The following CASP14 variants were observed in gnomAD, a reference collection of about 807,000 sequenced individuals.
CASP14 encodes the protein caspase-14.
CASP14 carries 27 observed loss-of-function variants against 28.4 expected under a neutral mutation model. The ratio of observed to expected loss-of-function variants is 0.95; its 90% confidence interval spans 0.70 to 1.31. The LOEUF is 1.31. Ranked by LOEUF, CASP14 falls within the 50% of genes most tolerant of loss-of-function variation. The pLI, the probability that CASP14 is intolerant of heterozygous loss-of-function variation, is 0.00. For missense variants in CASP14, 323 were observed against 312.8 expected, an observed-to-expected ratio of 1.03 and a Z score of -0.25; for synonymous variants, 115 against 118.6, an observed-to-expected ratio of 0.97 and a Z score of 0.20.
At position 15,053,550 on chromosome 19, in the gene CASP14, C is replaced by T. The variant is rs139270509; in HGVS notation, c.96C>T (p.Ser32=). The T allele has an allele frequency of 9.4e-5, 152 of 1,614,116 alleles. No homozygotes were observed. Among genetic ancestry groups the T allele is most frequent in the South Asian group, 5.3e-4 (48 of 91,080 alleles). The change falls in exon 3 of 7, where the codon TCC becomes TCT. Residue 32 remains serine, a synonymous_variant. Coordinates refer to ENST00000427043, the MANE Select transcript of CASP14 (RefSeq NM_012114.3). The part of the protein sequence containing the change: ...ILCVTKAREG[S]EEDLDALEHM... ...GTGTCACCAAAGCCCGGGAAGGTTC[C>T]GAAGAAGACCTGGATGCTCTGGAAC... is the stretch of plus-strand genomic sequence containing the variant.
At chr19:15,052,114 G>A (rs1197709538) in intron 1 of CASP14, 92 bp from the exon 2 acceptor site, 34 of 838,390 alleles carry the variant, frequency 4.1e-5, no homozygotes, top group Non-Finnish European at 5.9e-5. Flanking sequence ...GTGCTATTTG[G>A]TCTCAAAAAT....
rs1385125177 is a variant in CASP14 at position 15,053,963 on chromosome 19, G to A, written c.403+5G>A. The A allele has an allele frequency of 8.7e-6, 14 of 1,609,454 alleles. No individual in the cohort carries two copies. The highest frequency in any genetic ancestry group is 1.2e-5 in the Non-Finnish European group (14 of 1,177,374). Reference sequence around the variant, plus strand: ...TCATACAGGCCTGTCGAGGAGGTGGGGACAGATCCAAGAGCACAGAGTCTG... The same window carrying A: ...TCATACAGGCCTGTCGAGGAGGTGGAGACAGATCCAAGAGCACAGAGTCTG... On this transcript the variant is annotated splice_donor_5th_base_variant and intron_variant, in intron 4 of 6. Transcript: ENST00000427043.
Position 15,051,141 on chromosome 19 carries a change from G to A in CASP14, c.-46-1065G>A, listed in dbSNP as rs545221713. On this transcript the variant is annotated intron_variant, in intron 1 of 6. Transcript: ENST00000427043. ...AAACATAGATGAATGGATGGTTGAT[G>A]GGGGAAGGCATAGCAGATATTATGC... 2.1e-3 allele frequency among the ~76,000 whole-genome samples: 321 copies of A among 151,936 alleles called. 1 individual carries two copies. The highest frequency in any genetic ancestry group is 0.014 in the Middle Eastern group (4 of 294).
chr19:15,052,132 C>A, intron 1 of CASP14, 74 bp from the exon 2 acceptor site: 1 of 1,111,136 alleles, frequency 9.0e-7, no homozygotes, highest in South Asian at 1.5e-5. Flanking sequence ...AATCCAGATA[C>A]ATAAGCCAGT....
At chr19:15,055,565 C>A in intron 6 of CASP14, 32 bp downstream of exon 6, 1 of 1,536,660 alleles carries the variant, frequency 6.5e-7, no homozygotes, top group Non-Finnish European at 9.0e-7. Context: ...GGGACCACCG[C>A]CCAGGCCAAG....
rs1311696316 is a variant in CASP14 at position 15,056,140 on chromosome 19, A to C, written c.*51A>C. 2.8e-6 allele frequency: 4 copies of C among 1,406,400 alleles called. No individual in the cohort carries two copies. In the South Asian group the frequency reaches 4.9e-5, roughly 17 times the overall value. 87.1% of individuals were successfully genotyped at this position (1,406,400 alleles called of 1,614,324 possible). On this transcript the variant is annotated 3_prime_UTR_variant, in exon 7 of 7. Coordinates refer to ENST00000427043, the MANE Select transcript of CASP14 (RefSeq NM_012114.3). Reference sequence around the variant, plus strand: ...CCTTCCAGCATTCTTTCTGTCTCACAGAAATTTAGAGGCAGCTCTTACCTC... The same window carrying C: ...CCTTCCAGCATTCTTTCTGTCTCACCGAAATTTAGAGGCAGCTCTTACCTC...
At chr19:15,053,199 C>T (rs1248351615) in intron 2 of CASP14, among the ~76,000 whole-genome samples, 1 of 152,090 alleles carries the variant, frequency 6.6e-6, no homozygotes, top group Non-Finnish European at 1.5e-5. Context: ...CCTCAACTTC[C>T]CAGGCTCAAG....
chr19:15,054,180 C>T (rs118114468), intron 4 of CASP14, among the ~76,000 whole-genome samples: 1 of 152,100 alleles, frequency 6.6e-6, no homozygotes, highest in African/African-American at 2.4e-5. Context: ...GATTATGTTG[C>T]CCAGGCTGGT....
intron 1 of CASP14, among the ~76,000 whole-genome samples, chr19:15,049,924 G>C (rs1351633279): frequency 1.3e-5 from 2 of 152,076 alleles, no homozygotes; most frequent in Non-Finnish European, 2.9e-5. Flanking sequence ...GATGGAGACA[G>C]AGATAATGAA....
intron 4 of CASP14, among the ~76,000 whole-genome samples, chr19:15,054,213 A>G (rs1469882516): frequency 6.6e-6 from 1 of 151,912 alleles, no homozygotes; most frequent in Non-Finnish European, 1.5e-5. Context: ...AGCTCAAGCA[A>G]TCCTCCTGCC....
rs1339386193 is a variant in CASP14 at position 15,056,102 on chromosome 19, CAGG to C, written c.*19_*21del. On this transcript the variant is annotated 3_prime_UTR_variant, in exon 7 of 7. Coordinates refer to ENST00000427043, the MANE Select transcript of CASP14 (RefSeq NM_012114.3). ...GTATCTGCAGTAGAAGTAGAAAGAC[CAGG>C]AGGAGCTTTCCTTCCAGCATTCTTT... 21 of 1,555,446 alleles carry C rather than the reference CAGG, an allele frequency of 1.4e-5. No individual in the cohort carries two copies. Among genetic ancestry groups the C allele is most frequent in the Non-Finnish European group, 1.6e-5 (18 of 1,140,734 alleles).
rs1387134579 is a variant in CASP14 at position 15,053,753 on chromosome 19, A to C, written c.198A>C (p.Glu66Asp). The C allele has an allele frequency of 6.2e-7, 1 of 1,613,590 alleles. No individual in the cohort carries two copies. The highest frequency in any genetic ancestry group is 1.7e-5 in the Admixed American group (1 of 59,988). Residue 66 changes from glutamate to aspartate, a missense_variant, in exon 4 of 7, where the codon GAA (glutamate) becomes GAC (aspartate). Glu to Asp is a conservative substitution (Grantham distance 45). Coordinates refer to ENST00000427043, the MANE Select transcript of CASP14 (RefSeq NM_012114.3). ...PTAEQFQEEL[E>D]KFQQAIDSRE... is the part of the protein sequence containing the mutation. The stretch of plus-strand genomic sequence containing the variant: ...TCCAGCAATTCCAGGAAGAGCTGGA[A>C]AAATTCCAGCAGGCCATCGATTCCC...
chr19:15,055,322 C>A, intron 5 of CASP14, 48 bp downstream of exon 5: 1 of 1,564,556 alleles, frequency 6.4e-7, no homozygotes, highest in Non-Finnish European at 8.8e-7. Context: ...TTCCCCCTCT[C>A]CTGCCACTCC....
At chr19:15,052,152 G>A (rs571847998) in intron 1 of CASP14, 54 bp from the exon 2 acceptor site, 1 of 1,354,298 alleles carries the variant, frequency 7.4e-7, no homozygotes, top group Non-Finnish European at 1.0e-6. Flanking sequence ...TTTGTCCCCT[G>A]AGCCCCTCGG....
At chr19:15,055,900 A>C in intron 6 of CASP14, 85 bp from the exon 7 acceptor site, 1 of 1,007,070 alleles carries the variant, frequency 9.9e-7, no homozygotes, top group East Asian at 2.6e-5. Context: ...TTAGGACAAG[A>C]ATACCCACCT....
chr19:15,055,077 A>T, intron 4 of CASP14, 81 bp from the exon 5 acceptor site: 1 of 1,037,768 alleles, frequency 9.6e-7, no homozygotes, highest in Non-Finnish European at 1.5e-6. Flanking sequence ...AACACTGGGA[A>T]TACAGGTGTG....
In CASP14 at chr19:15,057,634, A is replaced by AT. The variant is rs139740414; in HGVS notation, c.*1547dup. On this transcript the variant is annotated 3_prime_UTR_variant, in exon 7 of 7. Transcript: ENST00000427043. ...GTACTGGACAGTGGCTCACACCTGT[A>AT]TTCCCGACTTTGAGAGTCTGAAGCG... 0.13 allele frequency: 20,284 copies of AT among 152,478 alleles called. 1,767 individuals carry two copies. The highest frequency in any genetic ancestry group is 0.26 in the African/African-American group (10,688 of 41,430). The allele number at this position is 152,478 out of a possible 1,614,324, so 9.4% of individuals were successfully genotyped here. A position where few individuals can be genotyped will look rare whatever the true frequency, so the allele number is the denominator to read the frequency against.
At chr19:15,053,082 G>A (rs1306474151) in intron 2 of CASP14, among the ~76,000 whole-genome samples, 1 of 151,996 alleles carries the variant, frequency 6.6e-6, no homozygotes, top group Non-Finnish European at 1.5e-5. Flanking sequence ...TATTATACCT[G>A]GCAACCCTAA....
chr19:15,055,960 A>T (rs1196505230), intron 6 of CASP14, 25 bp from the exon 7 acceptor site: 1 of 1,581,680 alleles, frequency 6.3e-7, no homozygotes, highest in Admixed American at 1.8e-5. Context: ...TGACTCCTCC[A>T]AGCTCACCAC....
Sources: gnomAD v4.1 joint callset for allele counts (sites outside exome capture counted in the v4.1 genomes callset) on GRCh38, gnomAD v4.1.1 for gene constraint, MANE v1.5 for transcripts, NCBI Gene and HGNC (gene_info 2026-07-23, HGNC 2026-07-21) for gene names.